The following OR1A1 variants were observed in gnomAD, a reference collection of about 807,000 sequenced individuals.
The protein encoded by OR1A1 is olfactory receptor 1A1.
For missense variants in OR1A1, 391 were observed against 379.9 expected, an observed-to-expected ratio of 1.03 and a Z score of -0.24; for synonymous variants, 145 against 147.8, an observed-to-expected ratio of 0.98 and a Z score of 0.13.
intron 3 of OR1A1, chr17:3,215,325 G>A (rs930684600): frequency 1.4e-5 from 5 of 360,726 alleles, no homozygotes; most frequent in Non-Finnish European, 2.5e-5. Context: ...ACAATTATTT[G>A]TTATATGATT....
rs1263212706 is a variant in OR1A1, at chr17:3,216,515, C to A, written c.895C>A (p.Leu299Met). The change falls in exon 4 of 4, where the codon CTG (leucine) becomes ATG (methionine). Residue 299 changes from leucine to methionine, a missense_variant. Leu to Met is a conservative substitution (Grantham distance 15, BLOSUM62 2). Transcript: ENST00000641732. Reference sequence around the variant, plus strand: ...GAGAAATCGGGACATGAAGGCTGCCCTGCGGAAACTCTTCAACAAGAGAAT... The same window carrying A: ...GAGAAATCGGGACATGAAGGCTGCCATGCGGAAACTCTTCAACAAGAGAAT... ...SLRNRDMKAA[L>M]RKLFNKRISS 10 of 1,613,412 alleles carry A rather than the reference C, an allele frequency of 6.2e-6. No homozygotes were observed. The highest frequency in any genetic ancestry group is 8.5e-6 in the Non-Finnish European group (10 of 1,179,538).
intron 2 of OR1A1, among the ~76,000 whole-genome samples, chr17:3,212,024 T>C (rs1308240226): frequency 2.0e-5 from 3 of 152,226 alleles, no homozygotes; most frequent in African/African-American, 7.2e-5. Context: ...TACTTGTTTA[T>C]AACAAACTTG....
chr17:3,215,030 T>A (rs1413888472), intron 3 of OR1A1: 1 of 152,600 alleles, frequency 6.6e-6, no homozygotes, highest in Non-Finnish European at 1.5e-5. Flanking sequence ...CCTCCTGGGC[T>A]CTGGGATCCC....
At position 3,216,617 on chromosome 17, in the gene OR1A1, T is replaced by C. The variant is rs1399158191; in HGVS notation, c.*67T>C. 1 of 1,236,306 alleles carries C rather than the reference T, an allele frequency of 8.1e-7. No homozygotes were observed. The allele number at this position is 1,236,306 out of a possible 1,614,324, so 76.6% of individuals were successfully genotyped here. A position where few individuals can be genotyped will look rare whatever the true frequency, so the allele number is the denominator to read the frequency against. On this transcript the variant is annotated 3_prime_UTR_variant, in exon 4 of 4. Coordinates refer to ENST00000641732, the MANE Select transcript of OR1A1 (RefSeq NM_014565.3). The stretch of plus-strand genomic sequence containing the variant: ...CGGTATATTGGAAATCCAGTTCTGA[T>C]GTCATCCTCCTACGAGAGGCAGTCT...
intron 2 of OR1A1, among the ~76,000 whole-genome samples, chr17:3,212,007 T>C (rs1227595407): frequency 3.3e-5 from 5 of 152,242 alleles, no homozygotes; most frequent in Non-Finnish European, 7.3e-5. Context: ...AGTATTGATT[T>C]TTGAAATACT....
Position 3,216,140 on chromosome 17 carries a change from G to A in OR1A1, c.520G>A (p.Val174Met). 6.2e-7 allele frequency: 1 copy of A among 1,614,172 alleles called. No homozygotes were observed. The highest frequency in any genetic ancestry group is 8.5e-7 in the Non-Finnish European group (1 of 1,180,034). The change falls in exon 4 of 4, where the codon GTG becomes ATG. Residue 174 changes from valine to methionine, a missense_variant. Transcript: ENST00000641732. ...ASLSFCGNQE[V>M]ANFYCDITPL... is the part of the protein sequence containing the mutation. ...TCTGTCCTTCTGTGGCAACCAGGAA[G>A]TGGCCAACTTCTACTGTGACATTAC...
At chr17:3,211,979 G>C (rs2048444189) in intron 2 of OR1A1, among the ~76,000 whole-genome samples, 1 of 140,298 alleles carries the variant, frequency 7.1e-6, no homozygotes, top group South Asian at 2.4e-4. Context: ...TTCTAATTTA[G>C]TGTTTAAGTA....
intron 3 of OR1A1, chr17:3,213,638 G>T (rs1452449458): frequency 6.6e-6 from 1 of 152,182 alleles, no homozygotes; most frequent in Non-Finnish European, 1.5e-5. Flanking sequence ...GTTTGGGGGA[G>T]GTTCTCCTGA....
chr17:3,215,034 G>GTC, intron 3 of OR1A1: 6 of 152,702 alleles, frequency 3.9e-5, no homozygotes, highest in Non-Finnish European at 8.8e-5. Flanking sequence ...CTGGGCTCTG[G>GTC]GATCCCTCTG....
intron 1 of OR1A1, among the ~76,000 whole-genome samples, chr17:3,208,336 A>AGT (rs1252944816): frequency 2.0e-5 from 3 of 151,988 alleles, no homozygotes; most frequent in African/African-American, 7.2e-5. Flanking sequence ...ATAGTAATAT[A>AGT]GTGTGTGTGT....
At chr17:3,208,166 T>C (rs990824896) in intron 1 of OR1A1, among the ~76,000 whole-genome samples, 166 bp downstream of exon 1, 1 of 137,242 alleles carries the variant, frequency 7.3e-6, no homozygotes, top group Non-Finnish European at 1.6e-5. Context: ...GAGATAGAGA[T>C]AGAGATATAT....
At chr17:3,209,873 T>C (rs2048432856) in intron 2 of OR1A1, among the ~76,000 whole-genome samples, 1 of 152,250 alleles carries the variant, frequency 6.6e-6, no homozygotes, top group Non-Finnish European at 1.5e-5. Context: ...CTATTGTTGA[T>C]AGTATATTCC....
In OR1A1 at chr17:3,216,633, G is replaced by A; in HGVS notation, c.*83G>A. ...CAGTTCTGATGTCATCCTCCTACGA[G>A]AGGCAGTCTCTGATCTTTCTAGCCT... On this transcript the variant is annotated 3_prime_UTR_variant, in exon 4 of 4. Coordinates refer to ENST00000641732, the MANE Select transcript of OR1A1 (RefSeq NM_014565.3). The A allele has an allele frequency of 5.7e-6, 6 of 1,045,708 alleles. No individual in the cohort carries two copies. The highest frequency in any genetic ancestry group is 8.3e-6 in the Non-Finnish European group (6 of 721,050). 64.8% of individuals were successfully genotyped at this position (1,045,708 alleles called of 1,614,324 possible).
In OR1A1 at chr17:3,215,998, C is replaced by T; in HGVS notation, c.378C>T (p.Ile126=). ...AAMAYDRAVA[I]SRPLHYTTIM... is the part of the protein sequence containing the mutation. ...TGGCATATGATCGAGCTGTGGCCAT[C>T]AGCCGCCCACTTCACTACACAACAA... The change falls in exon 4 of 4, where the codon ATC becomes ATT. Residue 126 remains isoleucine, a synonymous_variant. Coordinates refer to ENST00000641732, the MANE Select transcript of OR1A1 (RefSeq NM_014565.3). 1 of 1,614,144 alleles carries T rather than the reference C, an allele frequency of 6.2e-7. No homozygotes were observed. The highest frequency in any genetic ancestry group is 8.5e-7 in the Non-Finnish European group (1 of 1,180,040).
intron 3 of OR1A1, chr17:3,213,615 A>T (rs568876885): frequency 6.6e-6 from 1 of 152,242 alleles, no homozygotes; most frequent in Non-Finnish European, 1.5e-5. Context: ...TAATGGTTAC[A>T]ATAAATGTTT....
chr17:3,215,752 C>G lies in OR1A1; in HGVS notation c.132C>G (p.Leu44=). ...CCATCACATTGATTGGAAACCTGCT[C>G]ATCGTCCTAGCCATTTGCTCTGATG... ...IYPITLIGNL[L]IVLAICSDVR... The change falls in exon 4 of 4, where the codon CTC becomes CTG. Residue 44 remains leucine, a synonymous_variant. Transcript: ENST00000641732. 6.2e-7 allele frequency: 1 copy of G among 1,614,160 alleles called. No homozygotes were observed.
At chr17:3,215,522 G>T (rs961253064) in intron 3 of OR1A1, 94 bp from the exon 4 acceptor site, 4 of 895,060 alleles carry the variant, frequency 4.5e-6, no homozygotes, top group Non-Finnish European at 5.1e-6. Flanking sequence ...ATACACAGCT[G>T]AATCACTTAA....
At position 3,216,455 on chromosome 17, in the gene OR1A1, G is replaced by A. The variant is rs538566420; in HGVS notation, c.835G>A (p.Val279Met). ...DAVITVMYTA[V>M]TPMLNPFIYS... ...AGTGATCACTGTAATGTACACGGCA[G>A]TGACCCCAATGTTAAATCCTTTCAT... Residue 279 changes from valine to methionine, a missense_variant, in exon 4 of 4, where the codon GTG becomes ATG. Transcript: ENST00000641732. The A allele has an allele frequency of 9.2e-5, 149 of 1,614,052 alleles. 1 individual carries two copies. The highest frequency in any genetic ancestry group is 1.2e-4 in the Non-Finnish European group (143 of 1,180,026).
chr17:3,212,951 G>T (rs1399836650), intron 3 of OR1A1: 2 of 152,228 alleles, frequency 1.3e-5, no homozygotes, highest in Non-Finnish European at 2.9e-5. Flanking sequence ...GCTGGACCAG[G>T]TGTGTCATTA....
Sources: gnomAD v4.1 joint callset for allele counts (sites outside exome capture counted in the v4.1 genomes callset) on GRCh38, gnomAD v4.1.1 for gene constraint, MANE v1.5 for transcripts, NCBI Gene and HGNC (gene_info 2026-07-23, HGNC 2026-07-21) for gene names.